The following THSD4 variants were observed in gnomAD, a reference collection of about 807,000 sequenced individuals.
The protein encoded by THSD4 is thrombospondin type-1 domain-containing protein 4.
In THSD4, 69 loss-of-function variants were observed where a neutral mutation model predicts 119.0. The observed-to-expected ratio is 0.58, with a 90% CI of 0.48 to 0.71. The LOEUF is 0.71. Among genes scored for constraint, THSD4 ranks in the 30% least tolerant of loss-of-function variants. THSD4 has a pLI of 0.00. For missense variants in THSD4, 1,393 were observed against 1,391.1 expected, an observed-to-expected ratio of 1.00 and a Z score of -0.02; for synonymous variants, 524 against 540.4, an observed-to-expected ratio of 0.97 and a Z score of 0.42.
chr15:71,503,177 C>G lies in THSD4; in HGVS notation c.1152+91354C>G, dbSNP rs915524908. On this transcript the variant is annotated intron_variant, in intron 7 of 17. Coordinates refer to ENST00000261862, the MANE Select transcript of THSD4 (RefSeq NM_024817.3). The stretch of plus-strand genomic sequence containing the variant: ...GATTGACATGAAGCCTTGTGAAGAT[C>G]TATTGGAAAGACCATTCCAGGCAGC... Among the ~76,000 whole-genome samples the G allele has an allele frequency of 2.0e-5, 3 of 152,230 alleles. No individual in the cohort carries two copies. In the East Asian group the frequency reaches 5.8e-4, roughly 29 times the overall value.
intron 7 of THSD4, among the ~76,000 whole-genome samples, chr15:71,438,735 A>G (rs761827534): frequency 9.2e-5 from 14 of 152,204 alleles, no homozygotes; most frequent in Non-Finnish European, 1.9e-4. Flanking sequence ...ATATTAGAAC[A>G]TACATTTCGA....
At chr15:71,423,870 A>G (rs560274874) in intron 7 of THSD4, among the ~76,000 whole-genome samples, 4 of 152,206 alleles carry the variant, frequency 2.6e-5, no homozygotes, top group Non-Finnish European at 4.4e-5. Flanking sequence ...GGGATGGATG[A>G]GTGCCCTTTG....
intron 7 of THSD4, among the ~76,000 whole-genome samples, chr15:71,586,802 G>C (rs2049679863): frequency 6.6e-6 from 1 of 152,148 alleles, no homozygotes; most frequent in South Asian, 2.1e-4. Context: ...GATCATCTTA[G>C]AATTCTGCCT....
chr15:71,306,455 C>G (rs548811236), intron 6 of THSD4, among the ~76,000 whole-genome samples: 1 of 151,880 alleles, frequency 6.6e-6, no homozygotes, highest in South Asian at 2.1e-4. Context: ...TATCTTTCTT[C>G]AAAGCCTGTG....
At chr15:71,685,398 A>C (rs2051886917) in intron 8 of THSD4, among the ~76,000 whole-genome samples, 2 of 152,096 alleles carry the variant, frequency 1.3e-5, no homozygotes, top group African/African-American at 4.8e-5. Context: ...TTTAAACTGA[A>C]ATTTGAGAAT....
At chr15:71,180,611 A>G (rs555038681) in intron 3 of THSD4, among the ~76,000 whole-genome samples, 1 of 152,352 alleles carries the variant, frequency 6.6e-6, no homozygotes, top group East Asian at 1.9e-4. Context: ...AACTACTGAT[A>G]TAAGCAACAA....
intron 3 of THSD4, among the ~76,000 whole-genome samples, chr15:71,212,639 C>A (rs2043897560): frequency 6.6e-6 from 1 of 152,204 alleles, no homozygotes; most frequent in Non-Finnish European, 1.5e-5. Context: ...TCATTTTAAC[C>A]TTCTGTTTTC....
intron 8 of THSD4, among the ~76,000 whole-genome samples, chr15:71,697,084 A>T (rs1355093172): frequency 6.6e-6 from 1 of 152,218 alleles, no homozygotes; most frequent in African/African-American, 2.4e-5. Flanking sequence ...TAAGACGGTG[A>T]AGGAGCAAAA....
intron 7 of THSD4, among the ~76,000 whole-genome samples, chr15:71,631,201 C>A (rs1215911976): frequency 6.6e-6 from 1 of 152,168 alleles, no homozygotes; most frequent in Non-Finnish European, 1.5e-5. Flanking sequence ...CATGGCCAGG[C>A]CTGTGCCAGC....
intron 8 of THSD4, among the ~76,000 whole-genome samples, chr15:71,673,148 T>A (rs1479151330): frequency 6.6e-6 from 1 of 152,206 alleles, no homozygotes; most frequent in Non-Finnish European, 1.5e-5. Flanking sequence ...GGCTATTAAT[T>A]ATTGCCTCAA....
chr15:71,216,098 T>TA (rs1474709221), intron 4 of THSD4, among the ~76,000 whole-genome samples: 2 of 152,244 alleles, frequency 1.3e-5, no homozygotes, highest in Non-Finnish European at 2.9e-5. Flanking sequence ...AAGCAATAGA[T>TA]ACTAACAGAT....
intron 6 of THSD4, among the ~76,000 whole-genome samples, chr15:71,361,651 C>T (rs575418249): frequency 6.6e-6 from 1 of 152,308 alleles, no homozygotes; most frequent in African/African-American, 2.4e-5. Flanking sequence ...CTTTTACCTA[C>T]AGCTATTTCA....
chr15:71,526,509 G>T (rs1364239487), intron 7 of THSD4, among the ~76,000 whole-genome samples: 6 of 152,050 alleles, frequency 3.9e-5, no homozygotes, highest in Admixed American at 1.3e-4. Context: ...GTTGTGTTTG[G>T]TTTTTTATTC....
chr15:71,286,339 G>A (rs535458147), intron 6 of THSD4, among the ~76,000 whole-genome samples: 2 of 152,146 alleles, frequency 1.3e-5, no homozygotes, highest in South Asian at 4.1e-4. Context: ...AGGCCCCTGT[G>A]TATGGTGTTC....
At chr15:71,667,290 G>A (rs2051435952) in intron 8 of THSD4, among the ~76,000 whole-genome samples, 1 of 152,150 alleles carries the variant, frequency 6.6e-6, no homozygotes, top group African/African-American at 2.4e-5. Flanking sequence ...TTGACATTTT[G>A]TATTACTTGC....
intron 7 of THSD4, among the ~76,000 whole-genome samples, chr15:71,428,945 C>G (rs2046908446): frequency 6.6e-6 from 1 of 152,172 alleles, no homozygotes; most frequent in Non-Finnish European, 1.5e-5. Flanking sequence ...GTTTCAATAT[C>G]TAGAGAACAT....
chr15:71,660,831 C>G lies in THSD4; in HGVS notation c.1357+97C>G, dbSNP rs947655547. On this transcript the variant is annotated intron_variant, in intron 8 of 17. Coordinates refer to ENST00000261862, the MANE Select transcript of THSD4 (RefSeq NM_024817.3). The stretch of plus-strand genomic sequence containing the variant: ...TAGACACAGCAGTGTCCGAGAGTCC[C>G]GGGGCATGCAGGCAGTGCCCCTGGG... 5.0e-6 allele frequency: 7 copies of G among 1,393,088 alleles called. No homozygotes were observed. In the African/African-American group the frequency reaches 9.9e-5, roughly 20 times the overall value. The allele number at this position is 1,393,088 out of a possible 1,614,324, so 86.3% of individuals were successfully genotyped here.
At position 71,625,594 on chromosome 15, in the gene THSD4, A is replaced by G. The variant is rs141354250; in HGVS notation, c.1153-34936A>G. On this transcript the variant is annotated intron_variant, in intron 7 of 17. Coordinates refer to ENST00000261862, the MANE Select transcript of THSD4 (RefSeq NM_024817.3). ...GGTCTTCTTGGTTACTGTCATTCCCATATCCATTACTCTTAGATGAAAGTG... is the reference window on the plus strand; with the variant it reads ...GGTCTTCTTGGTTACTGTCATTCCCGTATCCATTACTCTTAGATGAAAGTG... 3.6e-4 allele frequency among the ~76,000 whole-genome samples: 55 copies of G among 152,346 alleles called. 1 individual carries two copies. Among genetic ancestry groups the G allele is most frequent in the Middle Eastern group, 3.4e-3 (1 of 294 alleles).
rs563219314 is a variant in THSD4, at chr15:71,705,167, C to T, written c.1358-23382C>T. ...GAAGGGTAGCTGGAATTCTTCTACC[C>T]TTGCAGGGAAGGAGCAGGGCCAGAG... is the stretch of plus-strand genomic sequence containing the variant. On this transcript the variant is annotated intron_variant, in intron 8 of 17. Transcript: ENST00000261862. 4.7e-4 allele frequency among the ~76,000 whole-genome samples: 71 copies of T among 152,298 alleles called. 1 individual carries two copies. Among genetic ancestry groups the T allele is most frequent in the African/African-American group, 1.6e-3 (67 of 41,556 alleles).
Sources: gnomAD v4.1 joint callset for allele counts (sites outside exome capture counted in the v4.1 genomes callset) on GRCh38, gnomAD v4.1.1 for gene constraint, MANE v1.5 for transcripts, NCBI Gene and HGNC (gene_info 2026-07-23, HGNC 2026-07-21) for gene names.